Variants in ZEB1 observed in about 807,000 individuals in gnomAD.
ZEB1 encodes zinc finger E-box-binding homeobox 1.
ZEB1 carries 21 observed loss-of-function variants against 84.9 expected under a neutral mutation model. The ratio of observed to expected loss-of-function variants is 0.25; its 90% CI spans 0.18 to 0.36. The LOEUF (loss-of-function observed/expected upper bound fraction) is 0.36. Ranked by LOEUF, ZEB1 falls within the 10% of genes least tolerant of loss-of-function variation. The pLI is 1.00. For missense variants in ZEB1, 1,104 were observed against 1,330.2 expected, an observed-to-expected ratio of 0.83 and a Z score of 2.65; for synonymous variants, 420 against 471.1, an observed-to-expected ratio of 0.89 and a Z score of 1.41.
chr10:31,429,847 G>T (rs1199667811), intron 1 of ZEB1, among the ~76,000 whole-genome samples: 1 of 147,186 alleles, frequency 6.8e-6, no homozygotes. Context: ...GGGTTCAAGC[G>T]ATTCTCCTGC....
intron 1 of ZEB1, among the ~76,000 whole-genome samples, chr10:31,345,801 C>A (rs1471771278): frequency 6.6e-6 from 1 of 152,118 alleles, no homozygotes; most frequent in Admixed American, 6.6e-5. Context: ...GAAAACTTTT[C>A]TGTGCAGATT....
intron 3 of ZEB1, among the ~76,000 whole-genome samples, chr10:31,500,460 C>A (rs1238466782): frequency 6.6e-6 from 1 of 152,138 alleles, no homozygotes; most frequent in Non-Finnish European, 1.5e-5. Flanking sequence ...GCTTCCCAAC[C>A]AGGACCAGCA....
intron 7 of ZEB1, 146 bp from the exon 8 acceptor site, chr10:31,523,787 A>G: frequency 1.1e-6 from 1 of 869,800 alleles, no homozygotes; most frequent in Admixed American, 2.3e-5. Context: ...GCACATGTGC[A>G]GTGAAGATCA....
chr10:31,363,355 A>G, intron 1 of ZEB1: 1 of 1,534,310 alleles, frequency 6.5e-7, no homozygotes, highest in Middle Eastern at 2.3e-4. Flanking sequence ...CTTGGAGTAG[A>G]AACTCACTGC....
intron 2 of ZEB1, among the ~76,000 whole-genome samples, chr10:31,463,178 T>A (rs1188117788): frequency 6.6e-6 from 1 of 151,862 alleles, no homozygotes; most frequent in Non-Finnish European, 1.5e-5. Context: ...ATGATCTGTC[T>A]GGGGAAAAAA....
intron 1 of ZEB1, among the ~76,000 whole-genome samples, chr10:31,349,052 T>A (rs1283044822): frequency 6.6e-6 from 1 of 152,148 alleles, no homozygotes; most frequent in African/African-American, 2.4e-5. Flanking sequence ...AAATTTTGTA[T>A]CCTTTGACCA....
chr10:31,391,270 TGTGTGTGA>T (rs1295348950), intron 1 of ZEB1, among the ~76,000 whole-genome samples: 1,589 of 143,350 alleles, frequency 0.011, 40 homozygotes, highest in African/African-American at 0.039. Context: ...TGTGTGTGTG[TGTGTGTGA>T]GATCCAATAA....
At chr10:31,319,080 A>T, upstream of ZEB1, 1 of 650,606 alleles carries the variant, frequency 1.5e-6, no homozygotes, top group East Asian at 2.9e-5. Flanking sequence ...GTAGAGCGAG[A>T]GCCTCTAGGT....
chr10:31,515,373 A>G (rs1012259620), intron 6 of ZEB1, among the ~76,000 whole-genome samples: 3 of 152,104 alleles, frequency 2.0e-5, no homozygotes, highest in African/African-American at 7.2e-5. Flanking sequence ...ACAAAAGCGC[A>G]AAAGGAAAAC....
At chr10:31,339,976 TC>T (rs2039030863) in intron 1 of ZEB1, among the ~76,000 whole-genome samples, 1 of 152,084 alleles carries the variant, frequency 6.6e-6, no homozygotes, top group South Asian at 2.1e-4. Flanking sequence ...TAAATCCATA[TC>T]AACACAGCAC....
Position 31,326,611 on chromosome 10 carries a change from A to T in ZEB1, c.58+7319A>T, listed in dbSNP as rs144705372. Among the ~76,000 whole-genome samples, 14 of 152,324 alleles carry T rather than the reference A, an allele frequency of 9.2e-5. No homozygotes were observed. The East Asian group carries it at 1.9e-3, about 21-fold the overall frequency. ...CTTTGCCAAGTTTATGTTACTAGTT[A>T]GCTTGGACTAGGTCACAGCTTTTTG... On this transcript the variant is annotated intron_variant, in intron 1 of 8. Coordinates refer to ENST00000424869, the MANE Select transcript of ZEB1 (RefSeq NM_001174096.2).
chr10:31,471,331 G>A, intron 2 of ZEB1, among the ~76,000 whole-genome samples: 1 of 140,280 alleles, frequency 7.1e-6, no homozygotes, highest in Admixed American at 7.1e-5. Flanking sequence ...CTCACGTGCA[G>A]AGACACACAT....
intron 1 of ZEB1, among the ~76,000 whole-genome samples, chr10:31,392,028 T>C (rs2049836879): frequency 6.6e-6 from 1 of 152,202 alleles, no homozygotes; most frequent in Non-Finnish European, 1.5e-5. Context: ...TTAAAGTTTA[T>C]TTCTTTAAAA....
intron 2 of ZEB1, among the ~76,000 whole-genome samples, chr10:31,474,866 G>A (rs220038): frequency 0.032 from 4,797 of 152,206 alleles, 96 homozygotes; most frequent in Non-Finnish European, 0.05. Context: ...ATACACCATG[G>A]AATACTATGC....
Position 31,521,760 on chromosome 10 carries a change from G to A in ZEB1, c.2428G>A (p.Ala810Thr), listed in dbSNP as rs2072442270. 6.2e-7 allele frequency: 1 copy of A among 1,613,958 alleles called. No homozygotes were observed. The change falls in exon 7 of 9, where the codon GCC becomes ACC. Residue 810 changes from alanine to threonine, a missense_variant. Ala to Thr is a moderately conservative substitution (Grantham distance 58, BLOSUM62 0). Transcript: ENST00000424869. ...PINIAIPTVT[A>T]QLPTIVAIAD... ...AAATATCGCTATACCTACAGTCACT[G>A]CCCAGTTACCCACAATCGTGGCCAT...
At chr10:31,469,329 C>G (rs220048) in intron 2 of ZEB1, among the ~76,000 whole-genome samples, 134,611 of 147,318 alleles carry the variant, frequency 0.91, 61,615 homozygotes, top group East Asian at 0.99. Flanking sequence ...GAGTGCCAGA[C>G]AGTGGGCACA....
chr10:31,377,916 TCAGA>T (rs1339838750), intron 1 of ZEB1, among the ~76,000 whole-genome samples: 1 of 151,722 alleles, frequency 6.6e-6, no homozygotes, highest in Non-Finnish European at 1.5e-5. Context: ...TTCTAGTTCT[TCAGA>T]CAGTGTCATG....
At chr10:31,507,123 G>T (rs1421102566) in intron 4 of ZEB1, among the ~76,000 whole-genome samples, 1 of 151,988 alleles carries the variant, frequency 6.6e-6, no homozygotes, top group African/African-American at 2.4e-5. Flanking sequence ...GGCTGGCAGG[G>T]TTTTTTTCTT....
Position 31,411,405 on chromosome 10 carries a change from G to C in ZEB1, c.59-49632G>C, listed in dbSNP as rs540424930. Among the ~76,000 whole-genome samples the C allele has an allele frequency of 3.3e-5, 5 of 152,296 alleles. No homozygotes were observed. In the South Asian group the frequency reaches 1.0e-3, roughly 32 times the overall value. ...CCAGCACTTTGGGAGGCCGAGGCGA[G>C]TGGATCATGAGGTCAGGAGATCGAG... On this transcript the variant is annotated intron_variant, in intron 1 of 8. Transcript: ENST00000424869.
Sources: gnomAD v4.1 joint callset for allele counts (sites outside exome capture counted in the v4.1 genomes callset) on GRCh38, gnomAD v4.1.1 for gene constraint, MANE v1.5 for transcripts, NCBI Gene and HGNC (gene_info 2026-07-23, HGNC 2026-07-21) for gene names.